Variants in CMPK1 observed in about 807,000 individuals in gnomAD.
The protein encoded by CMPK1 is cytidine/uridine monophosphate kinase 1.
CMPK1 carries 10 observed loss-of-function variants against 25.7 expected under a neutral mutation model. The observed-to-expected ratio is 0.39, with a 90% CI of 0.24 to 0.66. The LOEUF (loss-of-function observed/expected upper bound fraction) is 0.66. CMPK1 is among the 30% of genes least tolerant of loss of function. CMPK1 has a pLI of 0.48. For missense variants in CMPK1, 199 were observed against 280.5 expected, an observed-to-expected ratio of 0.71 and a Z score of 2.08; for synonymous variants, 106 against 101.5, an observed-to-expected ratio of 1.04 and a Z score of -0.27.
chr1:47,376,392 T>A (rs1230433755), intron 5 of CMPK1, among the ~76,000 whole-genome samples: 2 of 152,118 alleles, frequency 1.3e-5, no homozygotes, highest in African/African-American at 4.8e-5. Flanking sequence ...CTCAGCTCAC[T>A]GCAACCTCCG....
chr1:47,360,791 T>A (rs916015507), intron 1 of CMPK1, among the ~76,000 whole-genome samples: 1 of 152,182 alleles, frequency 6.6e-6, no homozygotes, highest in African/African-American at 2.4e-5. Context: ...TTTTGTTACA[T>A]GAATATTGTC....
chr1:47,349,837 G>T (rs568302640), intron 1 of CMPK1, among the ~76,000 whole-genome samples: 1 of 152,038 alleles, frequency 6.6e-6, no homozygotes, highest in East Asian at 1.9e-4. Flanking sequence ...ACAGGGTCTC[G>T]CTCTGTTGAC....
chr1:47,343,306 A>G (rs551004674), intron 1 of CMPK1, among the ~76,000 whole-genome samples: 1 of 149,264 alleles, frequency 6.7e-6, no homozygotes, highest in South Asian at 2.3e-4. Context: ...TTTTTAAAAA[A>G]TATTTTCCTG....
chr1:47,340,595 A>G (rs967520897), intron 1 of CMPK1, among the ~76,000 whole-genome samples: 45 of 152,306 alleles, frequency 3.0e-4, no homozygotes, highest in Middle Eastern at 3.4e-3. Context: ...TCCACTGGAT[A>G]TTAAGGTCCA....
At chr1:47,360,897 G>A (rs1646596827) in intron 1 of CMPK1, among the ~76,000 whole-genome samples, 1 of 152,166 alleles carries the variant, frequency 6.6e-6, no homozygotes, top group African/African-American at 2.4e-5. Context: ...GGCATAGATT[G>A]TGCTCCATCT....
At chr1:47,340,787 G>T (rs966552284) in intron 1 of CMPK1, among the ~76,000 whole-genome samples, 2 of 151,944 alleles carry the variant, frequency 1.3e-5, no homozygotes, top group African/African-American at 4.8e-5. Context: ...ACAGGCATGC[G>T]CCACCATGCC....
chr1:47,342,649 C>CTTTTTTTTTTTTTTTTT (rs11334963), intron 1 of CMPK1, among the ~76,000 whole-genome samples: 7 of 116,428 alleles, frequency 6.0e-5, no homozygotes, highest in Admixed American at 9.8e-5. Context: ...TCTCTTTTTT[C>CTTTTTTTTTTTTTTTTT]TTTTTTTTTT....
chr1:47,374,994 C>T lies in CMPK1; in HGVS notation c.548+9C>T. 6.3e-7 allele frequency: 1 copy of T among 1,598,760 alleles called. No homozygotes were observed. The highest frequency in any genetic ancestry group is 8.6e-7 in the Non-Finnish European group (1 of 1,167,466). On this transcript the variant is annotated intron_variant, in intron 4 of 5. Transcript: ENST00000371873. ...GAGAGCTTGGAAAAGAGGTACTTGG[C>T]AGTTTTTACATACAACCACTTCAAT...
intron 1 of CMPK1, among the ~76,000 whole-genome samples, chr1:47,346,080 C>T (rs1424219501): frequency 1.3e-5 from 2 of 151,612 alleles, no homozygotes; most frequent in Non-Finnish European, 1.5e-5. Flanking sequence ...GACAGAGTCT[C>T]ACTCTGTCAC....
chr1:47,353,478 G>T (rs1239054019), intron 1 of CMPK1, among the ~76,000 whole-genome samples: 1 of 152,104 alleles, frequency 6.6e-6, no homozygotes, highest in Non-Finnish European at 1.5e-5. Context: ...ATTGATTTTT[G>T]TATTTAGAGC....
intron 1 of CMPK1, chr1:47,358,160 A>G (rs1007248949): frequency 1.1e-5 from 2 of 184,650 alleles, no homozygotes; most frequent in South Asian, 5.9e-5. Flanking sequence ...TTCCTAGGCT[A>G]GAGTGCAGTG....
chr1:47,354,234 C>T (rs540869250), intron 1 of CMPK1, among the ~76,000 whole-genome samples: 69 of 152,172 alleles, frequency 4.5e-4, no homozygotes, highest in Admixed American at 1.6e-3. Flanking sequence ...GAGGCTAAGG[C>T]GGCAGGATCA....
chr1:47,370,951 C>T (rs534934013), intron 2 of CMPK1, among the ~76,000 whole-genome samples: 9 of 115,232 alleles, frequency 7.8e-5, no homozygotes, highest in Middle Eastern at 3.9e-3. Context: ...GGTGAGATTC[C>T]GCCTCAAAAA....
At chr1:47,374,590 A>T (rs1326314908) in intron 3 of CMPK1, among the ~76,000 whole-genome samples, 2 of 152,222 alleles carry the variant, frequency 1.3e-5, no homozygotes, top group Non-Finnish European at 2.9e-5. Flanking sequence ...CATGTAATTC[A>T]TACCTAATAA....
At chr1:47,335,838 A>G (rs1378190537) in intron 1 of CMPK1, among the ~76,000 whole-genome samples, 1 of 151,726 alleles carries the variant, frequency 6.6e-6, no homozygotes, top group Non-Finnish European at 1.5e-5. Flanking sequence ...ATCTCAGCAC[A>G]CTGCAACCTC....
chr1:47,342,654 T>TTC (rs1446619986), intron 1 of CMPK1, among the ~76,000 whole-genome samples: 3 of 129,002 alleles, frequency 2.3e-5, no homozygotes, highest in Non-Finnish European at 4.6e-5. Context: ...TTTTTCTTTT[T>TTC]TTTTTTTTTT....
chr1:47,337,291 A>T (rs999743350), intron 1 of CMPK1, among the ~76,000 whole-genome samples: 2 of 152,150 alleles, frequency 1.3e-5, no homozygotes, highest in East Asian at 3.9e-4. Context: ...TCAAAAAAAT[A>T]AAATAAATAA....
chr1:47,359,905 G>C (rs1179321664), intron 1 of CMPK1, among the ~76,000 whole-genome samples: 1 of 152,182 alleles, frequency 6.6e-6, no homozygotes, highest in Non-Finnish European at 1.5e-5. Flanking sequence ...TTTGCTGTGT[G>C]CCTTTCTCCA....
At chr1:47,363,043 A>AT in intron 1 of CMPK1, among the ~76,000 whole-genome samples, 1 of 152,118 alleles carries the variant, frequency 6.6e-6, no homozygotes. Flanking sequence ...GATGGCAAGT[A>AT]TTTTTTCTGG....
Sources: gnomAD v4.1 joint callset for allele counts (sites outside exome capture counted in the v4.1 genomes callset) on GRCh38, gnomAD v4.1.1 for gene constraint, MANE v1.5 for transcripts, NCBI Gene and HGNC (gene_info 2026-07-23, HGNC 2026-07-21) for gene names.